Variants in PCDHA11 observed in about 807,000 individuals in gnomAD.
PCDHA11 encodes the protein protocadherin alpha-11.
A neutral mutation model predicts 70.3 loss-of-function variants in PCDHA11; 61 were observed. The ratio of observed to expected loss-of-function variants is 0.87; its 90% confidence interval spans 0.71 to 1.07. The LOEUF is 1.07. Among genes scored for constraint, PCDHA11 ranks in the 50% least tolerant of loss-of-function variants. The pLI, the probability that PCDHA11 is intolerant of heterozygous loss-of-function variation, is 0.00. For missense variants in PCDHA11, 1,324 were observed against 1,237.5 expected (o/e 1.07, Z -1.05); for synonymous variants, 633 against 555.1 (o/e 1.14, Z -1.97).
At chr5:140,884,129 C>T (rs1554181252) in intron 1 of PCDHA11, 1 of 1,613,420 alleles carries the variant, frequency 6.2e-7, no homozygotes, top group Non-Finnish European at 8.5e-7. Context: ...CGCGCGCATC[C>T]CGTTCCGCGT....
chr5:140,883,031 G>A, intron 1 of PCDHA11: 1 of 1,614,078 alleles, frequency 6.2e-7, no homozygotes, highest in Non-Finnish European at 8.5e-7. Flanking sequence ...GTTAGAGAAC[G>A]CCTTCAATGG....
Position 140,869,210 on chromosome 5 carries a change from C to T in PCDHA11, c.107C>T (p.Ser36Leu), listed in dbSNP as rs781978731. The change falls in exon 1 of 4, where the codon TCG becomes TTG. Residue 36 changes from serine (S) to leucine (L), a missense_variant. Physicochemically the swap from Ser to Leu is moderately radical, Grantham distance 145. Transcript: ENST00000398640. ...AGCGGCCAGCTCCACTACTCCGTCT[C>T]GGAGGAGGCCAAACACGGCACCTTC... is the stretch of plus-strand genomic sequence containing the variant. ...VGSGQLHYSVSEEAKHGTFVG... is the reference protein window; with the variant it reads ...VGSGQLHYSVLEEAKHGTFVG... 2 of 1,613,814 alleles carry T rather than the reference C, an allele frequency of 1.2e-6. No individual in the cohort carries two copies. Among genetic ancestry groups the T allele is most frequent in the African/African-American group, 2.7e-5 (2 of 74,940 alleles).
At chr5:140,910,699 C>T (rs2075133738) in intron 1 of PCDHA11, among the ~76,000 whole-genome samples, 1 of 152,180 alleles carries the variant, frequency 6.6e-6, no homozygotes. Flanking sequence ...AGCTTGCTCA[C>T]AGTGGGCCAT....
chr5:140,968,942 T>C (rs782129541), intron 1 of PCDHA11: 2 of 1,614,214 alleles, frequency 1.2e-6, no homozygotes, highest in South Asian at 2.2e-5. Context: ...AATCATCATT[T>C]TGAGCATCAT....
rs1243170344 is a variant in PCDHA11, at chr5:140,870,154, G to T, written c.1051G>T (p.Val351Leu). The T allele has an allele frequency of 6.2e-7, 1 of 1,614,130 alleles. No homozygotes were observed. Among genetic ancestry groups the T allele is most frequent in the African/African-American group, 1.3e-5 (1 of 75,062 alleles). The change falls in exon 1 of 4, where the codon GTG (valine) becomes TTG (leucine). Residue 351 changes from valine (V) to leucine (L), a missense_variant. By Grantham distance (32) the Val-to-Leu change is conservative (BLOSUM62 1). Coordinates refer to ENST00000398640, the MANE Select transcript of PCDHA11 (RefSeq NM_018902.5). ...CAACGATAACTCTCCTGAAGTCGCC[G>T]TGACTTCCTTGTCCCTCCCAGTACG... ...DTNDNSPEVAVTSLSLPVRED... is the reference protein window; with the variant it reads ...DTNDNSPEVALTSLSLPVRED...
Position 140,926,837 on chromosome 5 carries a change from G to A in PCDHA11, c.2392-52112G>A, listed in dbSNP as rs1170899993. 11 of 1,513,410 alleles carry A rather than the reference G, an allele frequency of 7.3e-6. No individual in the cohort carries two copies. In the African/African-American group the frequency reaches 1.4e-4, roughly 19 times the overall value. 93.7% of individuals were successfully genotyped at this position (1,513,410 alleles called of 1,614,324 possible). ...GTGCTCTCCAGGAGTCCGGAGCATG[G>A]TCCTGGGTCACCGTTGGTGTAGCGT... On this transcript the variant is annotated intron_variant, in intron 1 of 3. Coordinates refer to ENST00000398640, the MANE Select transcript of PCDHA11 (RefSeq NM_018902.5).
chr5:140,870,793 C>T lies in PCDHA11; in HGVS notation c.1690C>T (p.Leu564=). The T allele has an allele frequency of 1.2e-6, 2 of 1,613,678 alleles. No individual in the cohort carries two copies. The highest frequency in any genetic ancestry group is 1.7e-6 in the Non-Finnish European group (2 of 1,179,892). The change falls in exon 1 of 4, where the codon CTG becomes TTG. Residue 564 remains leucine, a synonymous_variant. Coordinates refer to ENST00000398640, the MANE Select transcript of PCDHA11 (RefSeq NM_018902.5). ...GGACGAGAACGACAACGCGCCGGCA[C>T]TGCTGGCGACTCAGGCTGGCAGCGC... ...VLDENDNAPA[L]LATQAGSAGG...
At chr5:140,972,197 A>G (rs2096524584) in intron 1 of PCDHA11, among the ~76,000 whole-genome samples, 1 of 152,100 alleles carries the variant, frequency 6.6e-6, no homozygotes. Context: ...GCTGGAGTAT[A>G]GGTGTGAATA....
At chr5:140,995,592 A>G (rs2097690478) in intron 3 of PCDHA11, among the ~76,000 whole-genome samples, 1 of 152,212 alleles carries the variant, frequency 6.6e-6, no homozygotes, top group East Asian at 1.9e-4. Context: ...CTTTTAACTT[A>G]GTGTTTTTCT....
At position 141,009,772 on chromosome 5, in the gene PCDHA11, C is replaced by G. The variant is rs782009776; in HGVS notation, c.2685C>G (p.Ile895Met). Residue 895 changes from isoleucine (I) to methionine (M), a missense_variant, in exon 4 of 4, where the codon ATC becomes ATG. By Grantham distance (10) the Ile-to-Met change is conservative (BLOSUM62 1). Transcript: ENST00000398640. ...TCATTATCCCAGGATCTCCTGCAAT[C>G]ATCTCCATCCGGCAGGAGCCTACTA... ...DKFIIPGSPA[I>M]ISIRQEPTNS... 4 of 1,614,158 alleles carry G rather than the reference C, an allele frequency of 2.5e-6. No individual in the cohort carries two copies. The East Asian group carries it at 8.9e-5, about 36-fold the overall frequency.
chr5:140,966,894 A>C, intron 1 of PCDHA11: 1 of 1,596,438 alleles, frequency 6.3e-7, no homozygotes, highest in African/African-American at 1.3e-5. Flanking sequence ...GCGGCCTCCC[A>C]GCTGCGATAC....
chr5:141,000,468 C>T (rs2097940295), intron 3 of PCDHA11, among the ~76,000 whole-genome samples: 1 of 107,380 alleles, frequency 9.3e-6, no homozygotes, highest in Non-Finnish European at 1.8e-5. Context: ...GCTCTTGTTG[C>T]CCAAGCTGGA....
chr5:140,897,289 C>T (rs1027792864), intron 1 of PCDHA11, among the ~76,000 whole-genome samples: 2 of 150,912 alleles, frequency 1.3e-5, no homozygotes, highest in Non-Finnish European at 3.0e-5. Flanking sequence ...CCCATTAACT[C>T]GTCATTTAGC....
chr5:140,926,141 A>T (rs2082938262), intron 1 of PCDHA11, among the ~76,000 whole-genome samples: 1 of 152,038 alleles, frequency 6.6e-6, no homozygotes, highest in Non-Finnish European at 1.5e-5. Context: ...AGCAGGATCC[A>T]GCGCGGAAAG....
intron 3 of PCDHA11, among the ~76,000 whole-genome samples, chr5:141,008,498 T>G (rs2098379874): frequency 6.6e-6 from 1 of 152,158 alleles, no homozygotes. Context: ...CTGGTATACT[T>G]TATGGTGTGT....
intron 1 of PCDHA11, among the ~76,000 whole-genome samples, chr5:140,977,613 G>T (rs1554238687): frequency 2.0e-5 from 3 of 152,150 alleles, no homozygotes; most frequent in African/African-American, 7.2e-5. Flanking sequence ...TTGAGGTAAA[G>T]TATCCCAGAG....
At chr5:140,986,231 C>A (rs2097191592) in intron 3 of PCDHA11, among the ~76,000 whole-genome samples, 1 of 152,210 alleles carries the variant, frequency 6.6e-6, no homozygotes, top group African/African-American at 2.4e-5. Context: ...AGCCTCCCCT[C>A]TGTGTGAGCA....
intron 1 of PCDHA11, among the ~76,000 whole-genome samples, chr5:140,946,403 CATAGAA>C (rs1425933072): frequency 1.3e-5 from 2 of 151,512 alleles, no homozygotes; most frequent in African/African-American, 2.4e-5. Flanking sequence ...TTAGTACAAT[CATAGAA>C]AACAATATGG....
At chr5:140,907,873 CACTCA>C (rs2073658134) in intron 1 of PCDHA11, among the ~76,000 whole-genome samples, 1 of 152,226 alleles carries the variant, frequency 6.6e-6, no homozygotes, top group Non-Finnish European at 1.5e-5. Context: ...CGTTGGTGAG[CACTCA>C]CATGGGATAC....
Sources: gnomAD v4.1 joint callset for allele counts (sites outside exome capture counted in the v4.1 genomes callset) on GRCh38, gnomAD v4.1.1 for gene constraint, MANE v1.5 for transcripts, NCBI Gene and HGNC (gene_info 2026-07-23, HGNC 2026-07-21) for gene names.